The following PTCD3 variants were observed in gnomAD, a reference collection of about 807,000 sequenced individuals.
PTCD3 encodes pentatricopeptide repeat domain 3.
In PTCD3, 89 loss-of-function variants were observed where a neutral mutation model predicts 101.9. The ratio of observed to expected loss-of-function variants is 0.87; its 90% CI spans 0.74 to 1.04. The LOEUF (loss-of-function observed/expected upper bound fraction) is 1.04. Among genes scored for constraint, PTCD3 ranks in the 50% least tolerant of loss-of-function variants. The pLI is 0.00. For synonymous variants in PTCD3, 296 were observed against 278.5 expected, an observed-to-expected ratio of 1.06 and a Z score of -0.63; for missense variants, 870 against 828.2, an observed-to-expected ratio of 1.05 and a Z score of -0.62.
rs1205597568 is a variant in PTCD3, at chr2:86,141,219, G to A, written c.*3660G>A. The A allele has an allele frequency of 6.6e-6, 1 of 152,166 alleles. No homozygotes were observed. Among genetic ancestry groups the A allele is most frequent in the Admixed American group, 6.6e-5 (1 of 15,260 alleles). The allele number at this position is 152,166 out of a possible 1,614,324, so 9.4% of individuals were successfully genotyped here. A position where few individuals can be genotyped will look rare whatever the true frequency, so the allele number is the denominator to read the frequency against. On this transcript the variant is annotated 3_prime_UTR_variant, in exon 24 of 24. Coordinates refer to ENST00000254630, the MANE Select transcript of PTCD3 (RefSeq NM_017952.6). ...ACTCCTCACATGGGTAAGAGTTGCA[G>A]TGGGCAGGTGACCCTCCTCCCTGCC...
intron 22 of PTCD3, 142 bp from the exon 23 acceptor site, chr2:86,136,840 C>T (rs149015534): frequency 8.7e-7 from 1 of 1,144,714 alleles, no homozygotes; most frequent in South Asian, 1.5e-5. Context: ...TCACTGGAAA[C>T]AAGTAAAAAT....
chr2:86,136,971 T>C lies in PTCD3; in HGVS notation c.1821-11T>C. The stretch of plus-strand genomic sequence containing the variant: ...GCTGGAGAAAGTTCACACTTTGCCT[T>C]TCTTTTACAGAAGTGAGTTGCTGAA... On this transcript the variant is annotated splice_polypyrimidine_tract_variant and intron_variant, in intron 22 of 23. Coordinates refer to ENST00000254630, the MANE Select transcript of PTCD3 (RefSeq NM_017952.6). 1 of 1,612,822 alleles carries C rather than the reference T, an allele frequency of 6.2e-7. No homozygotes were observed. The highest frequency in any genetic ancestry group is 8.5e-7 in the Non-Finnish European group (1 of 1,179,846).
At chr2:86,108,654 A>G in intron 3 of PTCD3, 118 bp downstream of exon 3, 2 of 1,028,032 alleles carry the variant, frequency 1.9e-6, no homozygotes, top group Non-Finnish European at 2.8e-6. Flanking sequence ...TCTTGAAGAG[A>G]GTAGCTGAGC....
At chr2:86,128,655 G>A (rs1022321221) in intron 14 of PTCD3, among the ~76,000 whole-genome samples, 4 of 152,148 alleles carry the variant, frequency 2.6e-5, no homozygotes, top group Non-Finnish European at 5.9e-5. Flanking sequence ...ATTGTGAAGC[G>A]TTTTGGGAGG....
chr2:86,136,057 A>G, intron 21 of PTCD3: 2 of 518,196 alleles, frequency 3.9e-6, no homozygotes, highest in Non-Finnish European at 7.7e-6. Context: ...GTACTTTAAG[A>G]GAGGGAAACA....
At chr2:86,124,445 T>A (rs536021204) in intron 9 of PTCD3, among the ~76,000 whole-genome samples, 1 of 152,252 alleles carries the variant, frequency 6.6e-6, no homozygotes, top group African/African-American at 2.4e-5. Context: ...GCCAACATGG[T>A]GAAACCTCAT....
chr2:86,133,390 A>G lies in PTCD3; in HGVS notation c.1497A>G (p.Ala499=), dbSNP rs1674527453. 1 of 1,614,190 alleles carries G rather than the reference A, an allele frequency of 6.2e-7. No individual in the cohort carries two copies. The highest frequency in any genetic ancestry group is 1.1e-5 in the South Asian group (1 of 91,086). ...AAACAATGATACATCTTCTCCAAGC[A>G]TTGGATGTGGCCAATCGGCTAGAAG... ...HSQTMIHLLQ[A]LDVANRLEVI... The change falls in exon 19 of 24, where the codon GCA becomes GCG. Residue 499 remains alanine, a synonymous_variant. Transcript: ENST00000254630.
chr2:86,120,449 ATTAT>A (rs139018422), intron 7 of PTCD3, among the ~76,000 whole-genome samples: 6,478 of 152,166 alleles, frequency 0.043, 477 homozygotes, highest in African/African-American at 0.15. Context: ...TATGAAGGTA[ATTAT>A]TAGGTAATTT....
intron 4 of PTCD3, among the ~76,000 whole-genome samples, chr2:86,112,395 G>A (rs1218308323): frequency 6.7e-6 from 1 of 149,504 alleles, no homozygotes; most frequent in African/African-American, 2.5e-5. Flanking sequence ...TTGGCCAGGA[G>A]CAGTGGCTCA....
chr2:86,120,633 A>T (rs1046477737), intron 7 of PTCD3, among the ~76,000 whole-genome samples: 1 of 152,176 alleles, frequency 6.6e-6, no homozygotes, highest in East Asian at 1.9e-4. Flanking sequence ...GGTGGCTCAC[A>T]CCTGTAATCC....
rs1360392478 is a variant in PTCD3, at chr2:86,108,528, G to C, written c.186G>C (p.Lys62Asn). Residue 62 changes from lysine (K) to asparagine (N), a missense_variant, in exon 3 of 24, where the codon AAG (lysine) becomes AAC (asparagine). Coordinates refer to ENST00000254630, the MANE Select transcript of PTCD3 (RefSeq NM_017952.6). Reference protein sequence around the residue: ...TGIEEVVIPKKKTWDKVAVLQ... With the variant: ...TGIEEVVIPKNKTWDKVAVLQ... ...TTGAAGAAGTAGTAATTCCAAAAAA[G>C]AAAACTTGGTAAGTATTCTATCAGT... is the stretch of plus-strand genomic sequence containing the variant. 1.3e-6 allele frequency: 2 copies of C among 1,595,666 alleles called. No individual in the cohort carries two copies. Among genetic ancestry groups the C allele is most frequent in the South Asian group, 2.3e-5 (2 of 87,230 alleles).
intron 4 of PTCD3, among the ~76,000 whole-genome samples, chr2:86,113,873 C>T (rs1223850404): frequency 6.6e-6 from 1 of 152,072 alleles, no homozygotes; most frequent in African/African-American, 2.4e-5. Flanking sequence ...GTCTAATGTG[C>T]ACTGGTGTAC....
intron 21 of PTCD3, 43 bp from the exon 22 acceptor site, chr2:86,136,478 G>A: frequency 6.4e-7 from 1 of 1,561,490 alleles, no homozygotes; most frequent in Non-Finnish European, 8.8e-7. Context: ...TGATTGCCTT[G>A]TTTTTCTAAT....
At chr2:86,127,046 A>T in intron 12 of PTCD3, 115 bp from the exon 13 acceptor site, 1 of 886,322 alleles carries the variant, frequency 1.1e-6, no homozygotes. Context: ...GGATATAGTT[A>T]CTAACCTGCT....
At chr2:86,116,996 G>A (rs995592271) in intron 5 of PTCD3, 59 bp from the exon 6 acceptor site, 2 of 747,882 alleles carry the variant, frequency 2.7e-6, no homozygotes, top group South Asian at 1.6e-5. Flanking sequence ...TGCTGAGAGT[G>A]TAACTATAAT....
intron 8 of PTCD3, among the ~76,000 whole-genome samples, chr2:86,122,526 C>T (rs1169978750): frequency 6.6e-6 from 1 of 151,032 alleles, no homozygotes; most frequent in African/African-American, 2.4e-5. Context: ...TTCCTCCTTC[C>T]TCATTCTCCC....
chr2:86,127,018 A>G (rs1317508348), intron 12 of PTCD3, 143 bp from the exon 13 acceptor site: 1 of 675,862 alleles, frequency 1.5e-6, no homozygotes, highest in East Asian at 2.9e-5. Flanking sequence ...GCTAATTAAT[A>G]AACAGTTCTT....
intron 7 of PTCD3, among the ~76,000 whole-genome samples, 176 bp from the exon 8 acceptor site, chr2:86,121,303 C>G (rs915501604): frequency 1.3e-5 from 2 of 152,178 alleles, no homozygotes; most frequent in Non-Finnish European, 1.5e-5. Flanking sequence ...GGTTATGTCC[C>G]TGTCTACGTC....
rs529018355 is a variant in PTCD3, at chr2:86,127,023, G to A, written c.952-138G>A. The A allele has an allele frequency of 8.5e-6, 6 of 705,622 alleles. No individual in the cohort carries two copies. In the East Asian group the frequency reaches 1.4e-4, roughly 17 times the overall value. The allele number at this position is 705,622 out of a possible 1,614,324, so 43.7% of individuals were successfully genotyped here. A position where few individuals can be genotyped will look rare whatever the true frequency, so the allele number is the denominator to read the frequency against. ...CATGGAACCTGCTAATTAATAAACA[G>A]TTCTTAAAAGAGGGATATAGTTACT... On this transcript the variant is annotated intron_variant, in intron 12 of 23. Coordinates refer to ENST00000254630, the MANE Select transcript of PTCD3 (RefSeq NM_017952.6).
Sources: gnomAD v4.1 joint callset for allele counts (sites outside exome capture counted in the v4.1 genomes callset) on GRCh38, gnomAD v4.1.1 for gene constraint, MANE v1.5 for transcripts, NCBI Gene and HGNC (gene_info 2026-07-23, HGNC 2026-07-21) for gene names.